The following PACSIN1 variants were observed in gnomAD, a reference collection of about 807,000 sequenced individuals.
The protein encoded by PACSIN1 is protein kinase C and casein kinase substrate in neurons protein 1.
A neutral mutation model predicts 59.5 loss-of-function variants in PACSIN1; 15 were observed. The observed-to-expected ratio is 0.25, with a 90% CI of 0.17 to 0.39. PACSIN1 has a LOEUF of 0.39. Among genes scored for constraint, PACSIN1 ranks in the 10% least tolerant of loss-of-function variants. The pLI is 1.00. For missense variants in PACSIN1, 420 were observed against 580.2 expected, an observed-to-expected ratio of 0.72 and a Z score of 2.84; for synonymous variants, 210 against 220.6, an observed-to-expected ratio of 0.95 and a Z score of 0.42.
At chr6:34,486,005 TA>T (rs1766788054) in intron 1 of PACSIN1, among the ~76,000 whole-genome samples, 1 of 152,218 alleles carries the variant, frequency 6.6e-6, no homozygotes, top group African/African-American at 2.4e-5. Context: ...CTGGGTGGTC[TA>T]GGGGGCCCTT....
At chr6:34,479,924 C>G (rs1766691389) in intron 1 of PACSIN1, among the ~76,000 whole-genome samples, 1 of 151,952 alleles carries the variant, frequency 6.6e-6, no homozygotes, top group Admixed American at 6.6e-5. Context: ...CTCCTGGGCT[C>G]AAGTGATTTT....
rs112633938 is a variant in PACSIN1 at position 34,530,427 on chromosome 6, C to G, written c.910-33C>G. 1.3e-6 allele frequency: 2 copies of G among 1,598,026 alleles called. No individual in the cohort carries two copies. The highest frequency in any genetic ancestry group is 1.3e-5 in the African/African-American group (1 of 74,740). On this transcript the variant is annotated intron_variant, in intron 7 of 9. Transcript: ENST00000244458. The surrounding 1 kb of genome is among the most constrained non-coding windows in gnomAD (Gnocchi z 4.4). ...GCTGAAAGGTGCCTCAGGGCATAGTCCCCCAGCCTGACTGCTCCACTGGCC... is the reference window on the plus strand; with the variant it reads ...GCTGAAAGGTGCCTCAGGGCATAGTGCCCCAGCCTGACTGCTCCACTGGCC...
At position 34,483,297 on chromosome 6, in the gene PACSIN1, C is replaced by T. The variant is rs545747770; in HGVS notation, c.-64+17027C>T. 1.1e-4 allele frequency among the ~76,000 whole-genome samples: 16 copies of T among 152,310 alleles called. No homozygotes were observed. The South Asian group carries it at 2.3e-3, about 22-fold the overall frequency. On this transcript the variant is annotated intron_variant, in intron 1 of 9. Coordinates refer to ENST00000244458, the MANE Select transcript of PACSIN1 (RefSeq NM_020804.5). The stretch of plus-strand genomic sequence containing the variant: ...CTGGGATTACAGGCGTGAGCCACCA[C>T]GCCCGGCCCAGACTTTTTGAATTCT...
chr6:34,474,390 C>T (rs114438138), intron 1 of PACSIN1, among the ~76,000 whole-genome samples: 1,633 of 152,250 alleles, frequency 0.011, 33 homozygotes, highest in African/African-American at 0.032. Flanking sequence ...CTTCCTGCCC[C>T]GTCCTTGCCT....
At position 34,529,439 on chromosome 6, in the gene PACSIN1, G is replaced by A; in HGVS notation, c.499G>A (p.Glu167Lys). ...KKAYHLACKE[E>K]KLAMTREMNS... is the part of the protein sequence containing the mutation. ...GGCCTACCATTTGGCTTGCAAAGAGGAAAAGCTGGCCATGACACGGGAGAT... is the reference window on the plus strand; with the variant it reads ...GGCCTACCATTTGGCTTGCAAAGAGAAAAAGCTGGCCATGACACGGGAGAT... Residue 167 changes from glutamate (E) to lysine (K), a missense_variant, in exon 5 of 10, where the codon GAA (glutamate) becomes AAA (lysine). Physicochemically the swap from Glu to Lys is moderately conservative, Grantham distance 56. Coordinates refer to ENST00000244458, the MANE Select transcript of PACSIN1 (RefSeq NM_020804.5). This position sits in a 1 kb window ranked among gnomAD's most constrained non-coding sequence, Gnocchi z 6.3. 2.5e-6 allele frequency: 4 copies of A among 1,614,162 alleles called. No homozygotes were observed. Among genetic ancestry groups the A allele is most frequent in the Non-Finnish European group, 3.4e-6 (4 of 1,180,038 alleles).
In PACSIN1 at chr6:34,518,958, T is replaced by C. The variant is rs1347113970; in HGVS notation, c.-63-7285T>C. Among the ~76,000 whole-genome samples, 2 of 152,168 alleles carry C rather than the reference T, an allele frequency of 1.3e-5. No homozygotes were observed. The highest frequency in any genetic ancestry group is 2.9e-5 in the Non-Finnish European group (2 of 68,010). ...CTGTGCAAAATGGTGTCTTGTCTAC[T>C]TGGCTTGAGAGCAGGGGAGGGATGT... On this transcript the variant is annotated intron_variant, in intron 1 of 9. Coordinates refer to ENST00000244458, the MANE Select transcript of PACSIN1 (RefSeq NM_020804.5). The surrounding 1 kb of genome is among the most constrained non-coding windows in gnomAD (Gnocchi z 4.4).
In PACSIN1 at chr6:34,528,889, G is replaced by T. The variant is rs1268542680; in HGVS notation, c.456+12G>T. The stretch of plus-strand genomic sequence containing the variant: ...AGAAGATGAAGGAGGTGCTCAGTGG[G>T]TGCTGCCACGGGCGGGGTGGGGTGG... On this transcript the variant is annotated intron_variant, in intron 4 of 9. Transcript: ENST00000244458. 3.4e-5 allele frequency: 50 copies of T among 1,482,618 alleles called. No homozygotes were observed. The highest frequency in any genetic ancestry group is 4.3e-5 in the Non-Finnish European group (46 of 1,069,046). The allele number at this position is 1,482,618 out of a possible 1,614,324, so 91.8% of individuals were successfully genotyped here. A position where few individuals can be genotyped will look rare whatever the true frequency, so the allele number is the denominator to read the frequency against.
Position 34,529,916 on chromosome 6 carries a change from G to A in PACSIN1, c.788+75G>A. The A allele has an allele frequency of 1.6e-5, 23 of 1,483,010 alleles. No individual in the cohort carries two copies. Among genetic ancestry groups the A allele is most frequent in the Non-Finnish European group, 1.9e-5 (21 of 1,086,974 alleles). The allele number at this position is 1,483,010 out of a possible 1,614,324, so 91.9% of individuals were successfully genotyped here. A position where few individuals can be genotyped will look rare whatever the true frequency, so the allele number is the denominator to read the frequency against. On this transcript the variant is annotated intron_variant, in intron 6 of 9. Coordinates refer to ENST00000244458, the MANE Select transcript of PACSIN1 (RefSeq NM_020804.5). The surrounding 1 kb of genome is among the most constrained non-coding windows in gnomAD (Gnocchi z 6.3). ...TGTGACTGGCATGCAGGGCATCCCA[G>A]CCCTCCATCACAGTGACGGGAAGGG...
intron 1 of PACSIN1, among the ~76,000 whole-genome samples, chr6:34,519,208 T>A (rs1767345267): frequency 6.6e-6 from 1 of 152,044 alleles, no homozygotes; most frequent in Admixed American, 6.5e-5. Context: ...TTGGGCCCCT[T>A]CCTAGCTGGG....
intron 1 of PACSIN1, among the ~76,000 whole-genome samples, chr6:34,524,751 G>A (rs538290933): frequency 2.0e-5 from 3 of 152,296 alleles, no homozygotes; most frequent in African/African-American, 7.2e-5. Context: ...GGTGTTCCCG[G>A]GTGAAGGGTG....
intron 1 of PACSIN1, among the ~76,000 whole-genome samples, chr6:34,466,634 G>A (rs1766500876): frequency 6.6e-6 from 1 of 152,230 alleles, no homozygotes; most frequent in African/African-American, 2.4e-5. Context: ...GTGGGCTGGT[G>A]CCAGCTTGGT....
chr6:34,480,811 C>T (rs1224477489), intron 1 of PACSIN1, among the ~76,000 whole-genome samples: 1 of 151,950 alleles, frequency 6.6e-6, no homozygotes, highest in African/African-American at 2.4e-5. Context: ...TGAAACTGTT[C>T]TCCAGAGTGC....
chr6:34,484,017 G>C (rs1048917999), intron 1 of PACSIN1, among the ~76,000 whole-genome samples: 1 of 152,122 alleles, frequency 6.6e-6, no homozygotes, highest in South Asian at 2.1e-4. Context: ...AGCTCCTGTG[G>C]CACCCAGGAG....
At chr6:34,527,200 G>A in intron 2 of PACSIN1, 132 bp from the exon 3 acceptor site, 1 of 917,842 alleles carries the variant, frequency 1.1e-6, no homozygotes, top group Non-Finnish European at 1.5e-6. Context: ...GGGCGGGGGC[G>A]GGGGCGGGGA....
In PACSIN1 at chr6:34,472,076, A is replaced by G. The variant is rs796945796; in HGVS notation, c.-64+5806A>G. On this transcript the variant is annotated intron_variant, in intron 1 of 9. Coordinates refer to ENST00000244458, the MANE Select transcript of PACSIN1 (RefSeq NM_020804.5). ...AGTCAAGGTCAGGAGTTCGAGACCAACCTGGCCAATATGGTGAAACCCCTG... is the reference window on the plus strand; with the variant it reads ...AGTCAAGGTCAGGAGTTCGAGACCAGCCTGGCCAATATGGTGAAACCCCTG... Among the ~76,000 whole-genome samples the G allele has an allele frequency of 6.6e-5, 10 of 151,966 alleles. 1 individual carries two copies. The highest frequency in any genetic ancestry group is 2.4e-4 in the African/African-American group (10 of 41,450).
chr6:34,502,933 G>A (rs146116209), intron 1 of PACSIN1, among the ~76,000 whole-genome samples: 26 of 152,286 alleles, frequency 1.7e-4, no homozygotes, highest in African/African-American at 6.0e-4. Flanking sequence ...AACCCCTGCT[G>A]AATCAGAATC....
At chr6:34,476,049 G>C (rs945961464) in intron 1 of PACSIN1, among the ~76,000 whole-genome samples, 1 of 152,178 alleles carries the variant, frequency 6.6e-6, no homozygotes, top group Non-Finnish European at 1.5e-5. Flanking sequence ...GGTGTGCTGT[G>C]TGCTGAACTA....
intron 1 of PACSIN1, among the ~76,000 whole-genome samples, chr6:34,502,985 C>T (rs558382305): frequency 2.0e-5 from 3 of 152,294 alleles, no homozygotes; most frequent in African/African-American, 4.8e-5. Context: ...ACAAACCTCC[C>T]GTTGGTCCCG....
chr6:34,484,936 C>T (rs1285505424), intron 1 of PACSIN1: 3 of 151,964 alleles, frequency 2.0e-5, no homozygotes, highest in Middle Eastern at 6.8e-3. Flanking sequence ...GGGTCAGGAT[C>T]ATGAATCAGA....
Sources: allele counts gnomAD v4.1 joint callset (sites outside exome capture counted in the v4.1 genomes callset), GRCh38; gene constraint gnomAD v4.1.1; non-coding constraint Gnocchi (gnomAD v3.1); transcripts MANE v1.5; gene names NCBI Gene and HGNC (gene_info 2026-07-23, HGNC 2026-07-21).